Variants in TRPM7 observed in about 807,000 individuals in gnomAD.
TRPM7 encodes the protein transient receptor potential cation channel subfamily M member 7.
In TRPM7, 134 loss-of-function variants were observed where a neutral mutation model predicts 229.7. The ratio of observed to expected loss-of-function variants is 0.58; its 90% confidence interval spans 0.51 to 0.67. The LOEUF is 0.67. TRPM7 is among the 30% of genes least tolerant of loss of function. The probability of loss-of-function intolerance (pLI) is 0.00; values close to 1 mark genes in which losing one functional copy is unlikely to be tolerated. For missense variants in TRPM7, 1,901 were observed against 2,210.0 expected (o/e 0.86, Z 2.80); for synonymous variants, 699 against 715.2 (o/e 0.98, Z 0.36).
In TRPM7 at chr15:50,611,084, A is replaced by T. The variant is rs755645627; in HGVS notation, c.2280+9T>A. The T allele has an allele frequency of 2.5e-6, 4 of 1,586,592 alleles. No individual in the cohort carries two copies. The African/African-American group carries it at 5.4e-5, about 21-fold the overall frequency. On this transcript the variant is annotated intron_variant, in intron 17 of 38. Coordinates refer to ENST00000646667, the MANE Select transcript of TRPM7 (RefSeq NM_017672.6). ...ACATGCTTTATATCAAATTATTTCT[A>T]AAGTATACCTTGTACCAGGAATTTT... is the stretch of plus-strand genomic sequence containing the variant.
intron 2 of TRPM7, 25 bp downstream of exon 2, chr15:50,662,942 C>A: frequency 6.4e-7 from 1 of 1,554,740 alleles, no homozygotes; most frequent in South Asian, 1.1e-5. Context: ...CTAGAAGACC[C>A]CAGAAGTAAC....
intron 4 of TRPM7, among the ~76,000 whole-genome samples, chr15:50,645,188 C>T (rs1243327247): frequency 2.0e-5 from 3 of 150,284 alleles, no homozygotes; most frequent in South Asian, 4.2e-4. Context: ...TACAGACACA[C>T]GGCACCCAGC....
chr15:50,639,012 T>G (rs930150667), intron 6 of TRPM7, among the ~76,000 whole-genome samples: 1 of 152,218 alleles, frequency 6.6e-6, no homozygotes, highest in African/African-American at 2.4e-5. Context: ...GATAAATATC[T>G]ATAACCAATT....
At chr15:50,568,496 A>G (rs1436366811) in intron 38 of TRPM7, among the ~76,000 whole-genome samples, 1 of 152,158 alleles carries the variant, frequency 6.6e-6, no homozygotes, top group Non-Finnish European at 1.5e-5. Context: ...AATTTTAAAA[A>G]CTAGTACCAT....
chr15:50,674,819 TTTG>T (rs974189194), intron 1 of TRPM7, among the ~76,000 whole-genome samples: 1 of 152,144 alleles, frequency 6.6e-6, no homozygotes, highest in African/African-American at 2.4e-5. Context: ...TGGGTTTGTT[TTTG>T]TTTTTTTGTT....
At chr15:50,678,699 A>T (rs1458036821) in intron 1 of TRPM7, among the ~76,000 whole-genome samples, 1 of 152,074 alleles carries the variant, frequency 6.6e-6, no homozygotes, top group African/African-American at 2.4e-5. Flanking sequence ...AAAAGCATCT[A>T]TAATTCTGTA....
At chr15:50,653,996 T>C (rs570521702) in intron 3 of TRPM7, among the ~76,000 whole-genome samples, 1 of 152,288 alleles carries the variant, frequency 6.6e-6, no homozygotes, top group African/African-American at 2.4e-5. Flanking sequence ...GTCCACATCC[T>C]AGGACTAAGT....
At chr15:50,647,633 T>C (rs1473722433) in intron 4 of TRPM7, among the ~76,000 whole-genome samples, 1 of 152,036 alleles carries the variant, frequency 6.6e-6, no homozygotes, top group Non-Finnish European at 1.5e-5. Flanking sequence ...TAGTCCCAGC[T>C]ACTCTGGAGG....
chr15:50,657,199 C>T (rs1343486762), intron 3 of TRPM7, among the ~76,000 whole-genome samples: 1 of 152,120 alleles, frequency 6.6e-6, no homozygotes, highest in Non-Finnish European at 1.5e-5. Flanking sequence ...TGGCGCATGC[C>T]TGTAATCCCA....
intron 9 of TRPM7, among the ~76,000 whole-genome samples, 171 bp from the exon 10 acceptor site, chr15:50,631,660 G>A (rs1596256046): frequency 6.6e-6 from 1 of 151,850 alleles, no homozygotes; most frequent in East Asian, 1.9e-4. Flanking sequence ...TATGTATATA[G>A]TTAGTAACTT....
At chr15:50,578,538 T>C (rs915756724) in intron 31 of TRPM7, 101 bp downstream of exon 31, 4 of 1,185,466 alleles carry the variant, frequency 3.4e-6, no homozygotes, top group African/African-American at 1.5e-5. Context: ...TTTTTCTAGC[T>C]TGAAGTCTAA....
At chr15:50,639,700 G>T in intron 5 of TRPM7, 152 bp from the exon 6 acceptor site, 1 of 563,250 alleles carries the variant, frequency 1.8e-6, no homozygotes, top group Non-Finnish European at 2.9e-6. Context: ...CCCAGTAGGT[G>T]GGACTACAGG....
At chr15:50,610,542 C>A (rs2060037974) in intron 17 of TRPM7, among the ~76,000 whole-genome samples, 2 of 152,044 alleles carry the variant, frequency 1.3e-5, no homozygotes, top group South Asian at 4.1e-4. Context: ...CATTTCTGCA[C>A]CTTATTTTAA....
rs1566923915 is a variant in TRPM7 at position 50,561,646 on chromosome 15, CA to C, written c.*31del. 1 of 1,599,366 alleles carries C rather than the reference CA, an allele frequency of 6.3e-7. No individual in the cohort carries two copies. The highest frequency in any genetic ancestry group is 1.1e-5 in the South Asian group (1 of 87,848). On this transcript the variant is annotated 3_prime_UTR_variant, in exon 39 of 39. Coordinates refer to ENST00000646667, the MANE Select transcript of TRPM7 (RefSeq NM_017672.6). ...GACACAGTAACATTTCTGTGAGGTG[CA>C]GGCAAAACCAATGATTCAGTAATAT...
At chr15:50,624,879 C>G (rs753482636) in intron 11 of TRPM7, among the ~76,000 whole-genome samples, 8 of 152,168 alleles carry the variant, frequency 5.3e-5, no homozygotes, top group Non-Finnish European at 7.4e-5. Flanking sequence ...TCCAAAAATA[C>G]AACCATCAGA....
At position 50,589,889 on chromosome 15, in the gene TRPM7, G is replaced by A. The variant is rs530056730; in HGVS notation, c.4325-233C>T. 3.1e-5 allele frequency among the ~76,000 whole-genome samples: 4 copies of A among 129,974 alleles called. No individual in the cohort carries two copies. The East Asian group carries it at 7.1e-4, about 23-fold the overall frequency. 85.3% of individuals were successfully genotyped at this position (129,974 alleles called of 152,430 possible). On this transcript the variant is annotated intron_variant, in intron 26 of 38. Transcript: ENST00000646667. ...TTTTTTAAATTTGAGAACAAGTCTC[G>A]TTCTGTTGCCCAGGCTGGAGTGCAG... is the stretch of plus-strand genomic sequence containing the variant.
chr15:50,590,426 G>A (rs2059457468), intron 26 of TRPM7, among the ~76,000 whole-genome samples: 1 of 152,102 alleles, frequency 6.6e-6, no homozygotes, highest in African/African-American at 2.4e-5. Context: ...CACACATAGA[G>A]ATTGTTCAGA....
chr15:50,622,257 T>C (rs951113494), intron 12 of TRPM7, among the ~76,000 whole-genome samples: 9 of 152,186 alleles, frequency 5.9e-5, no homozygotes, highest in African/African-American at 2.2e-4. Context: ...TTTGAAGTTC[T>C]CAATAATTTT....
intron 28 of TRPM7, among the ~76,000 whole-genome samples, chr15:50,585,254 G>C (rs1174905143): frequency 6.6e-6 from 1 of 152,046 alleles, no homozygotes; most frequent in African/African-American, 2.4e-5. Context: ...GTAGAGACGG[G>C]GTTTCACCTT....
Sources: allele counts gnomAD v4.1 joint callset (sites outside exome capture counted in the v4.1 genomes callset), GRCh38; gene constraint gnomAD v4.1.1; transcripts MANE v1.5; gene names NCBI Gene and HGNC (gene_info 2026-07-23, HGNC 2026-07-21).